MCC: variants seen among roughly 807,000 people sequenced by gnomAD.
MCC encodes MCC regulator of Wnt signaling pathway.
MCC carries 90 observed loss-of-function variants against 116.2 expected under a neutral mutation model. The observed-to-expected ratio is 0.77, with a 90% CI of 0.65 to 0.92. MCC has a LOEUF of 0.92. Ranked by LOEUF, MCC falls within the 40% of genes least tolerant of loss-of-function variation. MCC has a pLI of 0.00. For synonymous variants in MCC, 578 were observed against 510.5 expected (o/e 1.13, Z -1.78); for missense variants, 1,516 against 1,312.2 (o/e 1.16, Z -2.40).
chr5:113,292,340 A>G (rs1182983360), intron 3 of MCC, among the ~76,000 whole-genome samples: 7 of 152,226 alleles, frequency 4.6e-5, no homozygotes, highest in Non-Finnish European at 1.0e-4. Flanking sequence ...CAACTAAATC[A>G]TGGTACCTAA....
At chr5:113,150,862 G>C (rs1759817770) in intron 4 of MCC, among the ~76,000 whole-genome samples, 3 of 152,160 alleles carry the variant, frequency 2.0e-5, no homozygotes, top group Admixed American at 6.5e-5. Context: ...AGGAGTTCAA[G>C]ATCAGCCTGG....
chr5:113,066,706 G>A (rs1753629655), intron 13 of MCC, among the ~76,000 whole-genome samples: 1 of 152,216 alleles, frequency 6.6e-6, no homozygotes, highest in Non-Finnish European at 1.5e-5. Flanking sequence ...GGAGGAGCGG[G>A]GAAGAAGGAC....
intron 3 of MCC, among the ~76,000 whole-genome samples, chr5:113,215,695 A>G (rs1186664996): frequency 6.6e-6 from 1 of 152,180 alleles, no homozygotes; most frequent in Non-Finnish European, 1.5e-5. Flanking sequence ...TCAGCAGACA[A>G]TAAGCCTGCC....
chr5:113,468,976 GT>G (rs1211460170), intron 1 of MCC, among the ~76,000 whole-genome samples: 1 of 152,226 alleles, frequency 6.6e-6, no homozygotes, highest in Non-Finnish European at 1.5e-5. Context: ...GCATAGAGGT[GT>G]TTATAGTACT....
chr5:113,206,450 C>A (rs966418810), intron 3 of MCC, among the ~76,000 whole-genome samples: 1 of 152,198 alleles, frequency 6.6e-6, no homozygotes, highest in Non-Finnish European at 1.5e-5. Flanking sequence ...CCCAGTAGCT[C>A]ACGCCTATAA....
chr5:113,196,566 C>A lies in MCC; in HGVS notation c.628-45144G>T, dbSNP rs148479248. On this transcript the variant is annotated intron_variant, in intron 3 of 18. Coordinates refer to ENST00000408903, the MANE Select transcript of MCC (RefSeq NM_001085377.2). ...CTTACCAATGTTAATTTAAAAAATACTCGGTCGGGCGCAGTGGCTCACGCC... is the reference window on the plus strand; with the variant it reads ...CTTACCAATGTTAATTTAAAAAATAATCGGTCGGGCGCAGTGGCTCACGCC... 1.8e-3 allele frequency among the ~76,000 whole-genome samples: 268 copies of A among 152,264 alleles called. No homozygotes were observed. In the East Asian group the frequency reaches 0.022, roughly 13 times the overall value.
intron 3 of MCC, among the ~76,000 whole-genome samples, chr5:113,243,341 C>T (rs371573294): frequency 2.6e-5 from 4 of 152,124 alleles, no homozygotes; most frequent in Non-Finnish European, 5.9e-5. Context: ...AACAAAGCTT[C>T]GGCAGCTATA....
chr5:113,487,618 G>A (rs900819564), intron 1 of MCC, among the ~76,000 whole-genome samples: 2 of 152,204 alleles, frequency 1.3e-5, no homozygotes, highest in Non-Finnish European at 1.5e-5. Flanking sequence ...AGCCGGGTAG[G>A]AGTCGGGTCT....
intron 3 of MCC, among the ~76,000 whole-genome samples, chr5:113,251,768 G>A (rs1561486379): frequency 6.6e-6 from 1 of 152,184 alleles, no homozygotes; most frequent in Non-Finnish European, 1.5e-5. Flanking sequence ...CCTATGGGCT[G>A]CTGTACTTGG....
rs550596432 is a variant in MCC at position 113,143,401 on chromosome 5, T to G, written c.742-41A>C. Reference sequence around the variant, plus strand: ...AAGGACAGAAGTGCTGATGAATTCATGCACCTACAGGTGGATGATTCCAAG... The same window carrying G: ...AAGGACAGAAGTGCTGATGAATTCAGGCACCTACAGGTGGATGATTCCAAG... On this transcript the variant is annotated intron_variant, in intron 4 of 18. Transcript: ENST00000408903. 1.5e-5 allele frequency: 24 copies of G among 1,610,730 alleles called. No individual in the cohort carries two copies. In the African/African-American group the frequency reaches 2.5e-4, roughly 17 times the overall value.
intron 3 of MCC, chr5:113,295,029 G>C: frequency 5.7e-6 from 5 of 873,958 alleles, no homozygotes; most frequent in Non-Finnish European, 6.9e-6. Context: ...GTGGGGGCGA[G>C]TAGCCTGGAG....
At chr5:113,160,624 T>C (rs1046703492) in intron 3 of MCC, among the ~76,000 whole-genome samples, 2 of 152,206 alleles carry the variant, frequency 1.3e-5, no homozygotes, top group African/African-American at 4.8e-5. Flanking sequence ...CAACAGAATA[T>C]CATAGCACTT....
At chr5:113,323,216 C>A (rs1767469744) in intron 3 of MCC, 1 of 152,366 alleles carries the variant, frequency 6.6e-6, no homozygotes, top group South Asian at 2.1e-4. Flanking sequence ...TCATGAGAGA[C>A]CTTGAGCCAG....
At chr5:113,103,900 T>C (rs1432771562) in intron 7 of MCC, among the ~76,000 whole-genome samples, 1 of 152,172 alleles carries the variant, frequency 6.6e-6, no homozygotes, top group African/African-American at 2.4e-5. Flanking sequence ...GATGAACCAC[T>C]CTAAAATGAC....
intron 3 of MCC, among the ~76,000 whole-genome samples, chr5:113,161,427 T>A (rs1375967448): frequency 3.3e-5 from 5 of 152,164 alleles, no homozygotes; most frequent in African/African-American, 9.7e-5. Context: ...ATTGATCCAA[T>A]TTAGCAGGTA....
At chr5:113,095,904 GA>G (rs1755976993) in intron 8 of MCC, among the ~76,000 whole-genome samples, 1 of 151,936 alleles carries the variant, frequency 6.6e-6, no homozygotes, top group African/African-American at 2.4e-5. Context: ...AAGCCCTACT[GA>G]GCTTGCACTG....
At chr5:113,186,058 A>C (rs974828349) in intron 3 of MCC, among the ~76,000 whole-genome samples, 1 of 152,086 alleles carries the variant, frequency 6.6e-6, no homozygotes, top group African/African-American at 2.4e-5. Flanking sequence ...ACAATGCATA[A>C]ACCTAGTTTG....
Position 113,444,596 on chromosome 5 carries a change from G to A in MCC, c.170+43649C>T, listed in dbSNP as rs571174474. ...AAGGGAAGGGTAGATCGCCACCTAC[G>A]TGGTATTTGGCCTTCAGATCAATGC... On this transcript the variant is annotated intron_variant, in intron 1 of 18. Transcript: ENST00000408903. Among the ~76,000 whole-genome samples the A allele has an allele frequency of 8.5e-4, 130 of 152,266 alleles. 1 individual carries two copies. The highest frequency in any genetic ancestry group is 2.7e-3 in the African/African-American group (112 of 41,530).
intron 1 of MCC, among the ~76,000 whole-genome samples, chr5:113,477,873 T>C (rs1017337862): frequency 6.6e-6 from 1 of 152,184 alleles, no homozygotes; most frequent in African/African-American, 2.4e-5. Flanking sequence ...CAAGTTTATA[T>C]ATCTGGCATC....
Sources: allele counts gnomAD v4.1 joint callset (sites outside exome capture counted in the v4.1 genomes callset), GRCh38; gene constraint gnomAD v4.1.1; transcripts MANE v1.5; gene names NCBI Gene and HGNC (gene_info 2026-07-23, HGNC 2026-07-21).